RAB3IP: variants seen among roughly 807,000 people sequenced by gnomAD.
RAB3IP encodes RAB3A interacting protein, also known as rab-3A-interacting protein.
Under a neutral mutation model 59.1 loss-of-function variants are expected in RAB3IP, and 36 were observed. The ratio of observed to expected loss-of-function variants is 0.61; its 90% CI spans 0.47 to 0.80. The LOEUF is 0.80. Ranked by LOEUF, RAB3IP falls within the 30% of genes least tolerant of loss-of-function variation. The pLI is 0.00. For missense variants in RAB3IP, 511 were observed against 536.0 expected (o/e 0.95, Z 0.46); for synonymous variants, 207 against 191.2 (o/e 1.08, Z -0.68).
At position 69,794,515 on chromosome 12, in the gene RAB3IP, G is replaced by A; in HGVS notation, c.684+1G>A. Reference sequence around the variant, plus strand: ...ACAGCTAAAAGAAGCACAAGGAAAAGTGAGTTTTTGCAGCTCTTAATAGTA... The same window carrying A: ...ACAGCTAAAAGAAGCACAAGGAAAAATGAGTTTTTGCAGCTCTTAATAGTA... On this transcript the variant is annotated splice_donor_variant, in intron 5 of 10. Transcript: ENST00000247833. LOFTEE classifies it high-confidence loss of function. 1.2e-6 allele frequency: 2 copies of A among 1,611,060 alleles called. No individual in the cohort carries two copies. Among genetic ancestry groups the A allele is most frequent in the Non-Finnish European group, 1.7e-6 (2 of 1,178,208 alleles).
chr12:69,785,810 G>A (rs1875547809), intron 4 of RAB3IP, among the ~76,000 whole-genome samples: 1 of 152,130 alleles, frequency 6.6e-6, no homozygotes, highest in Non-Finnish European at 1.5e-5. Flanking sequence ...CATTATAATA[G>A]GCTTTGCTCA....
chr12:69,794,537 A>T (rs946237862), intron 5 of RAB3IP, 23 bp downstream of exon 5: 6 of 1,568,320 alleles, frequency 3.8e-6, no homozygotes, highest in Non-Finnish European at 5.2e-6. Flanking sequence ...AGCTCTTAAT[A>T]GTATAAAATA....
chr12:69,746,519 G>A (rs1173680560), intron 1 of RAB3IP, among the ~76,000 whole-genome samples: 3 of 152,052 alleles, frequency 2.0e-5, no homozygotes, highest in Admixed American at 1.3e-4. Context: ...TAATCATGCC[G>A]TGGCTCGTAG....
chr12:69,764,885 T>TTG (rs996643507), intron 3 of RAB3IP, among the ~76,000 whole-genome samples: 213 of 151,894 alleles, frequency 1.4e-3, no homozygotes, highest in African/African-American at 4.7e-3. Context: ...TCCTAGGTAT[T>TTG]TGTGTGTGTG....
At chr12:69,793,618 A>G (rs930698862) in intron 4 of RAB3IP, among the ~76,000 whole-genome samples, 1 of 152,200 alleles carries the variant, frequency 6.6e-6, no homozygotes, top group Non-Finnish European at 1.5e-5. Context: ...TTTTAAAAAT[A>G]AAATGATCAT....
At chr12:69,802,585 A>G (rs1348242543) in intron 8 of RAB3IP, among the ~76,000 whole-genome samples, 1 of 152,212 alleles carries the variant, frequency 6.6e-6, no homozygotes, top group Non-Finnish European at 1.5e-5. Flanking sequence ...TTTGAGAAAG[A>G]TGCTTATTAA....
chr12:69,755,769 C>A, intron 2 of RAB3IP, 110 bp downstream of exon 2: 1 of 870,030 alleles, frequency 1.1e-6, no homozygotes. Flanking sequence ...CTTAAGTGTG[C>A]CTAGGTAAAG....
Position 69,800,349 on chromosome 12 carries a change from T to A in RAB3IP, c.1017+12T>A. On this transcript the variant is annotated intron_variant, in intron 7 of 10. Coordinates refer to ENST00000247833, the MANE Select transcript of RAB3IP (RefSeq NM_022456.5). The stretch of plus-strand genomic sequence containing the variant: ...TCTCAAAAAGTGAGGTAATTTTTTT[T>A]CATTTTAGTAGGAATTCATTATAGT... The A allele has an allele frequency of 1.3e-6, 2 of 1,512,944 alleles. No homozygotes were observed. Among genetic ancestry groups the A allele is most frequent in the Non-Finnish European group, 1.8e-6 (2 of 1,112,638 alleles). The allele number at this position is 1,512,944 out of a possible 1,614,324, so 93.7% of individuals were successfully genotyped here. A position where few individuals can be genotyped will look rare whatever the true frequency, so the allele number is the denominator to read the frequency against.
At chr12:69,772,459 A>G (rs1171331364) in intron 3 of RAB3IP, among the ~76,000 whole-genome samples, 1 of 152,132 alleles carries the variant, frequency 6.6e-6, no homozygotes, top group Non-Finnish European at 1.5e-5. Context: ...TACTTCTTTT[A>G]TAGTTGTTTT....
chr12:69,741,709 A>G (rs957474418), intron 1 of RAB3IP, among the ~76,000 whole-genome samples: 32 of 152,350 alleles, frequency 2.1e-4, no homozygotes, highest in African/African-American at 7.7e-4. Flanking sequence ...CACATAGTTA[A>G]TTAAGTGACA....
At chr12:69,738,635 TC>T (rs1412367560), upstream of RAB3IP, 6 of 151,358 alleles carry the variant, frequency 4.0e-5, no homozygotes, top group African/African-American at 1.5e-4. Flanking sequence ...AGAGCGCAGC[TC>T]CGGCTCGCGC....
At position 69,756,387 on chromosome 12, in the gene RAB3IP, T is replaced by A; in HGVS notation, c.252-18T>A. On this transcript the variant is annotated intron_variant, in intron 2 of 10. Transcript: ENST00000247833. ...GCATATGCTGATATTTTCTGAAAAATGTCTCTCTCCTTTACAGCTTTCATG... is the reference window on the plus strand; with the variant it reads ...GCATATGCTGATATTTTCTGAAAAAAGTCTCTCTCCTTTACAGCTTTCATG... 6.2e-7 allele frequency: 1 copy of A among 1,609,820 alleles called. No homozygotes were observed.
intron 3 of RAB3IP, among the ~76,000 whole-genome samples, chr12:69,771,839 A>G (rs1025907611): frequency 6.6e-6 from 1 of 152,148 alleles, no homozygotes; most frequent in African/African-American, 2.4e-5. Flanking sequence ...AGCCATTCTA[A>G]GTGGGTTGAG....
chr12:69,807,702 G>T (rs568696046), intron 8 of RAB3IP, among the ~76,000 whole-genome samples: 6 of 139,262 alleles, frequency 4.3e-5, no homozygotes, highest in Admixed American at 7.3e-5. Context: ...GGGCAGAGGC[G>T]CTCCTCACTT....
chr12:69,794,510 G>A lies in RAB3IP; in HGVS notation c.680G>A (p.Gly227Glu). The change falls in exon 5 of 11, where the codon GGA becomes GAA. Residue 227 changes from glycine to glutamate, a missense_variant. Physicochemically the swap from Gly to Glu is moderately conservative, Grantham distance 98 (BLOSUM62 -2). Transcript: ENST00000247833. ...TAEKQLKEAQ[G>E]KIDVLQAEVA... ...GAAAAACAGCTAAAAGAAGCACAAG[G>A]AAAAGTGAGTTTTTGCAGCTCTTAA... 1 of 1,611,636 alleles carries A rather than the reference G, an allele frequency of 6.2e-7. No homozygotes were observed. Among genetic ancestry groups the A allele is most frequent in the Non-Finnish European group, 8.5e-7 (1 of 1,178,698 alleles).
rs1347558784 is a variant in RAB3IP at position 69,817,177 on chromosome 12, G to T, written c.*1731G>T. 1.3e-5 allele frequency: 2 copies of T among 152,084 alleles called. No individual in the cohort carries two copies. Among genetic ancestry groups the T allele is most frequent in the Non-Finnish European group, 2.9e-5 (2 of 68,012 alleles). 9.4% of individuals were successfully genotyped at this position (152,084 alleles called of 1,614,324 possible). On this transcript the variant is annotated 3_prime_UTR_variant, in exon 11 of 11. Coordinates refer to ENST00000247833, the MANE Select transcript of RAB3IP (RefSeq NM_022456.5). ...AAATACTCAGAAAAAGTTTGTTGATGACTTAAAAAGGATAAATAAAAAGTA... is the reference window on the plus strand; with the variant it reads ...AAATACTCAGAAAAAGTTTGTTGATTACTTAAAAAGGATAAATAAAAAGTA...
At chr12:69,784,695 A>G in intron 3 of RAB3IP, 25 bp from the exon 4 acceptor site, 1 of 1,448,186 alleles carries the variant, frequency 6.9e-7, no homozygotes, top group Non-Finnish European at 9.6e-7. Context: ...TGGAGATCCA[A>G]AATAAAATTA....
At chr12:69,782,053 C>A (rs1874807585) in intron 3 of RAB3IP, among the ~76,000 whole-genome samples, 1 of 152,190 alleles carries the variant, frequency 6.6e-6, no homozygotes, top group Non-Finnish European at 1.5e-5. Context: ...CAGTTTTAAT[C>A]CCCCTTTGGG....
At chr12:69,806,088 G>C (rs563251299) in intron 8 of RAB3IP, among the ~76,000 whole-genome samples, 180 of 152,262 alleles carry the variant, frequency 1.2e-3, no homozygotes, top group African/African-American at 4.1e-3. Flanking sequence ...GCTCCTCCTT[G>C]TGCCTCTGGT....
Sources: allele counts gnomAD v4.1 joint callset (sites outside exome capture counted in the v4.1 genomes callset), GRCh38; gene constraint gnomAD v4.1.1; transcripts MANE v1.5; gene names NCBI Gene and HGNC (gene_info 2026-07-23, HGNC 2026-07-21).